The following ERG variants were observed in gnomAD, a reference collection of about 807,000 sequenced individuals.
The protein encoded by ERG is ETS transcription factor ERG.
ERG carries 9 observed loss-of-function variants against 55.3 expected under a neutral mutation model. That is an observed-to-expected ratio of 0.16 (90% CI 0.10 to 0.28). The LOEUF (loss-of-function observed/expected upper bound fraction) is 0.28. Ranked by LOEUF, ERG falls within the 10% of genes least tolerant of loss-of-function variation. The pLI is 1.00. For synonymous variants in ERG, 223 were observed against 237.3 expected (o/e 0.94, Z 0.55); for missense variants, 434 against 631.6 (o/e 0.69, Z 3.35).
chr21:38,539,964 T>C (rs1356970320), intron 2 of ERG, among the ~76,000 whole-genome samples: 1 of 150,542 alleles, frequency 6.6e-6, no homozygotes, highest in African/African-American at 2.5e-5. Context: ...TGGCACGATC[T>C]TGGCTCACTG....
chr21:38,497,815 C>A (rs987671626), intron 1 of ERG, among the ~76,000 whole-genome samples: 1 of 152,158 alleles, frequency 6.6e-6, no homozygotes, highest in East Asian at 1.9e-4. Context: ...ATTTGAGTTA[C>A]GTGAGCACTC....
chr21:38,450,106 C>A (rs1347742777), intron 1 of ERG, among the ~76,000 whole-genome samples: 2 of 150,862 alleles, frequency 1.3e-5, no homozygotes, highest in Non-Finnish European at 2.9e-5. Flanking sequence ...AAAAAAAAAT[C>A]TTGGTTCGGG....
chr21:38,515,672 G>A (rs1308318318), intron 2 of ERG, among the ~76,000 whole-genome samples: 1 of 151,798 alleles, frequency 6.6e-6, no homozygotes, highest in Admixed American at 6.6e-5. Context: ...GTTCAGCATG[G>A]ATACAGGCCA....
intron 2 of ERG, among the ~76,000 whole-genome samples, chr21:38,554,143 C>T (rs966679499): frequency 2.6e-5 from 4 of 152,144 alleles, no homozygotes; most frequent in African/African-American, 9.7e-5. Flanking sequence ...TATCATGACA[C>T]ACCAGTCAGA....
At position 38,651,578 on chromosome 21, in the gene ERG, T is replaced by C. The variant is rs570476594; in HGVS notation, c.-150+10080A>G. Among the ~76,000 whole-genome samples the C allele has an allele frequency of 4.6e-5, 7 of 152,354 alleles. No individual in the cohort carries two copies. In the South Asian group the frequency reaches 1.4e-3, roughly 32 times the overall value. ...TTGAAATGGTAGTATTTTCAGCATG[T>C]GTTACATAAATTACATTATTAAAAT... On this transcript the variant is annotated intron_variant, in intron 1 of 10. Coordinates refer to the ERG transcript ENST00000398910.
Position 38,380,966 on chromosome 21 carries a change from G to A in ERG, c.*2437C>T. ...TGATCTTTTCCATTAGCACAGTTTG[G>A]GTCAGCCTAACTGCCAGCTTTCATG... On this transcript the variant is annotated 3_prime_UTR_variant, in exon 10 of 10. Transcript: ENST00000288319. The A allele has an allele frequency of 9.4e-7, 1 of 1,064,778 alleles. No individual in the cohort carries two copies. Among genetic ancestry groups the A allele is most frequent in the Non-Finnish European group, 1.1e-6 (1 of 879,008 alleles). The allele number at this position is 1,064,778 out of a possible 1,614,324, so 66.0% of individuals were successfully genotyped here. A position where few individuals can be genotyped will look rare whatever the true frequency, so the allele number is the denominator to read the frequency against.
chr21:38,367,547 G>A, the ERG span: 25 of 475,634 alleles, frequency 5.3e-5, no homozygotes, highest in Non-Finnish European at 8.1e-5. Flanking sequence ...AATAAGTGAT[G>A]CAAAGAGAAG....
chr21:38,405,816 T>C (rs1304146271), intron 3 of ERG, among the ~76,000 whole-genome samples: 3 of 152,216 alleles, frequency 2.0e-5, no homozygotes, highest in East Asian at 3.9e-4. Context: ...CCAGCTAGCA[T>C]TGGATGTCTA....
At chr21:38,483,587 G>A (rs1166726405) in intron 1 of ERG, among the ~76,000 whole-genome samples, 2 of 152,126 alleles carry the variant, frequency 1.3e-5, no homozygotes, top group African/African-American at 2.4e-5. Flanking sequence ...GGTGGCTCAC[G>A]CCTATAATCC....
intron 6 of ERG, among the ~76,000 whole-genome samples, chr21:38,395,080 G>A (rs1370673855): frequency 1.3e-5 from 2 of 152,194 alleles, no homozygotes; most frequent in Non-Finnish European, 2.9e-5. Context: ...TTTCAGCCAA[G>A]TATTTGAGAC....
chr21:38,638,585 T>C (rs901196526), intron 1 of ERG, among the ~76,000 whole-genome samples: 1 of 152,082 alleles, frequency 6.6e-6, no homozygotes, highest in African/African-American at 2.4e-5. Context: ...TTTGCAAAAT[T>C]TGGAAGATGG....
At chr21:38,408,234 G>C (rs1353349829) in intron 3 of ERG, among the ~76,000 whole-genome samples, 1 of 152,176 alleles carries the variant, frequency 6.6e-6, no homozygotes, top group African/African-American at 2.4e-5. Context: ...TTGCAATAGA[G>C]GACAGTTTGC....
At position 38,442,588 on chromosome 21, in the gene ERG, G is replaced by A. The variant is rs118188717; in HGVS notation, c.236+2816C>T. Among the ~76,000 whole-genome samples the A allele has an allele frequency of 2.3e-3, 356 of 152,158 alleles. 7 individuals are homozygous for A. The East Asian group carries it at 0.033, about 14-fold the overall frequency. ...GTCTTTCTTATGGACTGAAGCTCCT[G>A]GTGTCTTTCTTTCTTATAGACTGTA... On this transcript the variant is annotated intron_variant, in intron 2 of 9. Transcript: ENST00000288319.
At chr21:38,504,887 T>G (rs1453348675) in intron 2 of ERG, among the ~76,000 whole-genome samples, 1 of 152,254 alleles carries the variant, frequency 6.6e-6, no homozygotes, top group African/African-American at 2.4e-5. Context: ...ACAGCATCAC[T>G]TATTTTTGTC....
intron 1 of ERG, among the ~76,000 whole-genome samples, chr21:38,592,261 T>C (rs945409510): frequency 3.3e-5 from 5 of 152,230 alleles, no homozygotes; most frequent in Non-Finnish European, 7.3e-5. Context: ...TAACGCATCA[T>C]TGCCGGCTCT....
chr21:38,624,075 T>C (rs1396032876), intron 1 of ERG, among the ~76,000 whole-genome samples: 1 of 152,184 alleles, frequency 6.6e-6, no homozygotes, highest in Admixed American at 6.5e-5. Context: ...ATGTGAAGCC[T>C]TCAAGAAAAC....
intron 2 of ERG, among the ~76,000 whole-genome samples, chr21:38,527,811 G>C (rs1601190768): frequency 6.6e-6 from 1 of 151,298 alleles, no homozygotes. Context: ...ACATGTGACT[G>C]TATGTGGCTG....
chr21:38,571,881 G>A (rs1340864700), intron 2 of ERG, among the ~76,000 whole-genome samples: 11 of 152,126 alleles, frequency 7.2e-5, no homozygotes, highest in South Asian at 2.1e-4. Flanking sequence ...GACAGCCTAC[G>A]GACAGGACTG....
chr21:38,559,651 A>G (rs1204019652), intron 2 of ERG, among the ~76,000 whole-genome samples: 4 of 152,132 alleles, frequency 2.6e-5, no homozygotes, highest in Admixed American at 2.0e-4. Flanking sequence ...AACATCCAAC[A>G]ATAAAATTAA....
Sources: allele counts gnomAD v4.1 joint callset (sites outside exome capture counted in the v4.1 genomes callset), GRCh38; gene constraint gnomAD v4.1.1; transcripts MANE v1.5; gene names NCBI Gene and HGNC (gene_info 2026-07-23, HGNC 2026-07-21).